The following SGK1 variants were observed in gnomAD, a reference collection of about 807,000 sequenced individuals.
The protein encoded by SGK1 is serum/glucocorticoid regulated kinase 1.
Under a neutral mutation model 64.2 loss-of-function variants are expected in SGK1, and 26 were observed. That is an observed-to-expected ratio of 0.40 (90% confidence interval 0.30 to 0.56). The LOEUF is 0.56. Among genes scored for constraint, SGK1 ranks in the 20% least tolerant of loss-of-function variants. The pLI, the probability that SGK1 is intolerant of heterozygous loss-of-function variation, is 0.38. For synonymous variants in SGK1, 265 were observed against 239.7 expected (o/e 1.11, Z -0.98); for missense variants, 519 against 645.6 (o/e 0.80, Z 2.12).
chr6:134,213,643 T>TAAATAATAAATA (rs11409950), intron 2 of SGK1, among the ~76,000 whole-genome samples: 1 of 27,818 alleles, frequency 3.6e-5, no homozygotes, highest in Non-Finnish European at 1.3e-4. Flanking sequence ...AATAAATAAA[T>TAAATAATAAATA]AATAAATAAA....
chr6:134,233,986 A>G (rs752920146), intron 2 of SGK1, among the ~76,000 whole-genome samples: 10 of 152,362 alleles, frequency 6.6e-5, no homozygotes, highest in Non-Finnish European at 1.2e-4. Context: ...CATCAGTGTC[A>G]TAGTAAAATA....
intron 2 of SGK1, among the ~76,000 whole-genome samples, chr6:134,228,163 C>T (rs1490716749): frequency 6.6e-6 from 1 of 151,938 alleles, no homozygotes; most frequent in Non-Finnish European, 1.5e-5. Context: ...CCATGTTGGC[C>T]AGGCTGGTCT....
chr6:134,297,229 T>C, intron 1 of SGK1: 1 of 1,042,178 alleles, frequency 9.6e-7, no homozygotes, highest in Non-Finnish European at 1.5e-6. Flanking sequence ...AGCCGGCATT[T>C]CTAGCCCTCC....
In SGK1 at chr6:134,207,359, GATC is replaced by G; in HGVS notation, c.355_357del (p.Asp119del). 5 of 1,601,538 alleles carry G rather than the reference GATC, an allele frequency of 3.1e-6. No individual in the cohort carries two copies. The highest frequency in any genetic ancestry group is 4.3e-6 in the Non-Finnish European group (5 of 1,169,042). ...GGTTGTATTTTTCCAATAATACCTG[GATC>G]ATCATTAGTCCAGAAGGTTCTTGGA... On this transcript the variant is annotated inframe_deletion, in exon 3 of 14. Coordinates refer to ENST00000367858, the MANE Select transcript of SGK1 (RefSeq NM_001143676.3).
chr6:134,204,460 A>G (rs1775735438), intron 3 of SGK1, among the ~76,000 whole-genome samples: 1 of 120,042 alleles, frequency 8.3e-6, no homozygotes, highest in South Asian at 3.3e-4. Context: ...ACAGAGCAAG[A>G]CTCCATCTCA....
At chr6:134,302,250 A>T (rs980267314) in intron 1 of SGK1, among the ~76,000 whole-genome samples, 1 of 152,228 alleles carries the variant, frequency 6.6e-6, no homozygotes, top group Non-Finnish European at 1.5e-5. Flanking sequence ...TTTGTCCCTC[A>T]GTGCCTTGTG....
At chr6:134,199,871 T>C (rs527959442) in intron 3 of SGK1, among the ~76,000 whole-genome samples, 1 of 152,314 alleles carries the variant, frequency 6.6e-6, no homozygotes, top group African/African-American at 2.4e-5. Flanking sequence ...CATCAAAGAA[T>C]TATGTTTCTT....
intron 2 of SGK1, among the ~76,000 whole-genome samples, chr6:134,228,110 C>A (rs957080682): frequency 2.0e-5 from 3 of 151,990 alleles, no homozygotes; most frequent in African/African-American, 7.2e-5. Context: ...TGCCTGCCAG[C>A]ATGCCCAGCT....
chr6:134,221,529 G>C (rs1475607381), intron 2 of SGK1, among the ~76,000 whole-genome samples: 1 of 151,868 alleles, frequency 6.6e-6, no homozygotes, highest in African/African-American at 2.4e-5. Context: ...TGGAAACTTT[G>C]TTCCCATTTC....
chr6:134,185,145 T>A lies in SGK1; in HGVS notation c.362-10559A>T, dbSNP rs117048254. Among the ~76,000 whole-genome samples the A allele has an allele frequency of 6.6e-5, 10 of 152,348 alleles. No individual in the cohort carries two copies. In the East Asian group the frequency reaches 1.3e-3, roughly 21 times the overall value. Reference sequence around the variant, plus strand: ...ATTTGGCTTATAGAAAAGTATGCCATTGTAACCTGTTTTACTCTTGTCATC... The same window carrying A: ...ATTTGGCTTATAGAAAAGTATGCCAATGTAACCTGTTTTACTCTTGTCATC... On this transcript the variant is annotated intron_variant, in intron 3 of 13. Coordinates refer to ENST00000367858, the MANE Select transcript of SGK1 (RefSeq NM_001143676.3).
At chr6:134,236,397 T>A (rs1776365302) in intron 2 of SGK1, among the ~76,000 whole-genome samples, 1 of 152,012 alleles carries the variant, frequency 6.6e-6, no homozygotes, top group Admixed American at 6.6e-5. Flanking sequence ...GAAGCTGAGG[T>A]GGGCGAATTG....
rs138050570 is a variant in SGK1, at chr6:134,305,208, A to G, written c.69+12184T>C. On this transcript the variant is annotated intron_variant, in intron 1 of 13. Transcript: ENST00000367858. ...CCCCCATCTCCACTAAAAATACAAA[A>G]ATTAGCTGGGCATGGTGGCTGGTGC... Among the ~76,000 whole-genome samples, 1,275 of 151,954 alleles carry G rather than the reference A, an allele frequency of 8.4e-3. 34 individuals are homozygous for G. The highest frequency in any genetic ancestry group is 0.029 in the African/African-American group (1,220 of 41,398).
rs1179335988 is a variant in SGK1 at position 134,173,019 on chromosome 6, T to C, written c.834+4A>G. On this transcript the variant is annotated splice_donor_region_variant and intron_variant, in intron 8 of 13. Coordinates refer to ENST00000367858, the MANE Select transcript of SGK1 (RefSeq NM_001143676.3). ...AAGAGTTGACTTCTATCCCCCCTGC[T>C]CACCTCTCCACCATTAATGTAGTCT... 1.9e-6 allele frequency: 3 copies of C among 1,610,300 alleles called. No homozygotes were observed. The Admixed American group carries it at 5.0e-5, about 27-fold the overall frequency.
intron 1 of SGK1, chr6:134,283,039 G>T (rs1416615300): frequency 6.6e-6 from 1 of 151,794 alleles, no homozygotes; most frequent in Non-Finnish European, 1.5e-5. Flanking sequence ...GACATATTTG[G>T]GCTTCCCATG....
At chr6:134,258,181 C>T (rs1776712264) in intron 2 of SGK1, among the ~76,000 whole-genome samples, 1 of 151,528 alleles carries the variant, frequency 6.6e-6, no homozygotes, top group African/African-American at 2.4e-5. Context: ...TGGTTCACTG[C>T]ACCCTCCTCA....
chr6:134,252,209 C>A (rs572828332), intron 2 of SGK1, among the ~76,000 whole-genome samples: 1 of 152,242 alleles, frequency 6.6e-6, no homozygotes, highest in East Asian at 1.9e-4. Flanking sequence ...GATCCTCACC[C>A]CTGGAAGAGA....
intron 2 of SGK1, among the ~76,000 whole-genome samples, chr6:134,226,853 T>C (rs916744755): frequency 3.3e-5 from 5 of 151,962 alleles, no homozygotes; most frequent in African/African-American, 7.3e-5. Flanking sequence ...GCTTGGCTAA[T>C]TTGTTTTTAT....
At chr6:134,311,906 A>T (rs74589264) in intron 1 of SGK1, among the ~76,000 whole-genome samples, 2 of 152,210 alleles carry the variant, frequency 1.3e-5, no homozygotes, top group African/African-American at 4.8e-5. Context: ...GTTAGAAAGC[A>T]TTCCTACCGC....
intron 2 of SGK1, among the ~76,000 whole-genome samples, chr6:134,242,400 C>T (rs146968394): frequency 0.011 from 1,669 of 152,060 alleles, 17 homozygotes; most frequent in Non-Finnish European, 0.017. Context: ...GAAGGAGAAT[C>T]GCTTGAACCT....
Sources: allele counts gnomAD v4.1 joint callset (sites outside exome capture counted in the v4.1 genomes callset), GRCh38; gene constraint gnomAD v4.1.1; transcripts MANE v1.5; gene names NCBI Gene and HGNC (gene_info 2026-07-23, HGNC 2026-07-21).